NOB1: variants seen among roughly 807,000 people sequenced by gnomAD.
NOB1 encodes the protein RNA-binding protein NOB1.
A neutral mutation model predicts 44.8 loss-of-function variants in NOB1; 44 were observed. The ratio of observed to expected loss-of-function variants is 0.98; its 90% CI spans 0.77 to 1.26. NOB1 has a LOEUF of 1.26. NOB1 is among the 50% of genes most tolerant of loss of function. The probability of loss-of-function intolerance (pLI) is 0.00; values close to 1 mark genes in which losing one functional copy is unlikely to be tolerated. For missense variants in NOB1, 560 were observed against 544.8 expected, an observed-to-expected ratio of 1.03 and a Z score of -0.28; for synonymous variants, 238 against 218.7, an observed-to-expected ratio of 1.09 and a Z score of -0.78.
chr16:69,749,535 GGCC>G, intron 4 of NOB1, 21 bp downstream of exon 4: 1 of 1,600,648 alleles, frequency 6.2e-7, no homozygotes, highest in South Asian at 1.1e-5. Flanking sequence ...GAGCATGAAC[GGCC>G]TGGCTTGTCT....
chr16:69,752,963 G>A (rs1156604185), intron 2 of NOB1, among the ~76,000 whole-genome samples: 1 of 151,528 alleles, frequency 6.6e-6, no homozygotes, highest in African/African-American at 2.4e-5. Context: ...GGGGCGTGGT[G>A]GCTCACACCT....
chr16:69,754,548 G>A (rs2038508647), intron 2 of NOB1, 46 bp downstream of exon 2: 1 of 1,607,242 alleles, frequency 6.2e-7, no homozygotes, highest in Admixed American at 1.7e-5. Flanking sequence ...TGCCATCTGC[G>A]CCCTGGACCC....
In NOB1 at chr16:69,749,342, A is replaced by C; in HGVS notation, c.400-4T>G. On this transcript the variant is annotated splice_polypyrimidine_tract_variant and splice_region_variant and intron_variant, in intron 4 of 8. Transcript: ENST00000268802. ...CTGTTTCTTGTGGGGGTTTAGGCTG[A>C]AATTAAAAGAAACAATTTTAAAACC... 1 of 1,579,694 alleles carries C rather than the reference A, an allele frequency of 6.3e-7. No homozygotes were observed. Among genetic ancestry groups the C allele is most frequent in the South Asian group, 1.2e-5 (1 of 85,110 alleles).
In NOB1 at chr16:69,742,089, GTTCT is replaced by G. The variant is rs1039292548; in HGVS notation, c.*239_*242del. 2.7e-5 allele frequency: 13 copies of G among 476,596 alleles called. No homozygotes were observed. The highest frequency in any genetic ancestry group is 4.1e-5 in the Non-Finnish European group (11 of 267,954). 29.5% of individuals were successfully genotyped at this position (476,596 alleles called of 1,614,324 possible). On this transcript the variant is annotated 3_prime_UTR_variant, in exon 9 of 9. Coordinates refer to ENST00000268802, the MANE Select transcript of NOB1 (RefSeq NM_014062.3). ...TCTTGAAGATTGGCTCCAGGGCGTT[GTTCT>G]TTCTGTTTTTATGCAATTGCACTTC...
chr16:69,747,774 A>G (rs1033432481), intron 7 of NOB1, among the ~76,000 whole-genome samples: 20 of 152,176 alleles, frequency 1.3e-4, no homozygotes, highest in African/African-American at 4.3e-4. Flanking sequence ...CTCAGTGCCC[A>G]GGTGGAGACG....
Position 69,749,557 on chromosome 16 carries a change from A to G in NOB1, c.399+2T>C, listed in dbSNP as rs187654567. The G allele has an allele frequency of 9.9e-6, 16 of 1,612,838 alleles. No individual in the cohort carries two copies. In the Admixed American group the frequency reaches 1.3e-4, roughly 14 times the overall value. ...AACGGCCTGGCTTGTCTAAGAAATTACCTTGTAGGGCAGATGGAAACCAGA... is the reference window on the plus strand; with the variant it reads ...AACGGCCTGGCTTGTCTAAGAAATTGCCTTGTAGGGCAGATGGAAACCAGA... On this transcript the variant is annotated splice_donor_variant, in intron 4 of 8. Transcript: ENST00000268802. LOFTEE classifies it high-confidence loss of function.
chr16:69,750,798 A>G (rs2038476601), intron 3 of NOB1, among the ~76,000 whole-genome samples: 1 of 152,202 alleles, frequency 6.6e-6, no homozygotes, highest in African/African-American at 2.4e-5. Context: ...GGTAGTTTCA[A>G]CTAGTGCAAA....
chr16:69,742,261 C>G lies in NOB1; in HGVS notation c.*71G>C. The G allele has an allele frequency of 3.2e-6, 5 of 1,560,622 alleles. No individual in the cohort carries two copies. In the South Asian group the frequency reaches 6.1e-5, roughly 19 times the overall value. On this transcript the variant is annotated 3_prime_UTR_variant, in exon 9 of 9. Coordinates refer to ENST00000268802, the MANE Select transcript of NOB1 (RefSeq NM_014062.3). ...TCGGGTGGTCCTGGAGACGACACGG[C>G]TGGGGAAATGGGTCACCGGAACTCC...
intron 3 of NOB1, among the ~76,000 whole-genome samples, chr16:69,751,979 C>T (rs1015022081): frequency 2.6e-5 from 4 of 151,910 alleles, no homozygotes; most frequent in South Asian, 2.1e-4. Flanking sequence ...GCAAGAGAAT[C>T]GCTTGAACCC....
chr16:69,744,277 G>A lies in NOB1; in HGVS notation c.969+596C>T, dbSNP rs183747417. 1.9e-3 allele frequency among the ~76,000 whole-genome samples: 284 copies of A among 152,258 alleles called. 3 individuals are homozygous for A. The highest frequency in any genetic ancestry group is 6.4e-3 in the African/African-American group (264 of 41,562). ...TGGAGTTTCAGTGAGCCAAGATCAC[G>A]CCACTGCATTCCAGCCTGGGTGACA... On this transcript the variant is annotated intron_variant, in intron 8 of 8. Coordinates refer to ENST00000268802, the MANE Select transcript of NOB1 (RefSeq NM_014062.3).
chr16:69,745,041 T>C (rs748680649), intron 7 of NOB1, 24 bp from the exon 8 acceptor site: 3 of 1,613,398 alleles, frequency 1.9e-6, no homozygotes, highest in Middle Eastern at 1.6e-4. Context: ...AAGGAGATGA[T>C]CTGTACCAAA....
intron 8 of NOB1, 85 bp downstream of exon 8, chr16:69,744,788 G>C: frequency 6.8e-7 from 1 of 1,478,082 alleles, no homozygotes; most frequent in Non-Finnish European, 9.1e-7. Context: ...CCATCTTGCA[G>C]AAACGACTAG....
In NOB1 at chr16:69,749,038, A is replaced by C; in HGVS notation, c.606T>G (p.Asp202Glu). The change falls in exon 6 of 9, where the codon GAT becomes GAG. Residue 202 changes from aspartate to glutamate, a missense_variant. Asp to Glu is a conservative substitution (Grantham distance 45). Coordinates refer to ENST00000268802, the MANE Select transcript of NOB1 (RefSeq NM_014062.3). Reference protein sequence around the residue: ...NGFEDRKDDSDDDGGGWITPS... With the variant: ...NGFEDRKDDSEDDGGGWITPS... ...GGGTTATCCAGCCACCCCCGTCGTC[A>C]TCGCTGTCATCTTTTCTGTCTTCAA... 2 of 1,614,216 alleles carry C rather than the reference A, an allele frequency of 1.2e-6. No homozygotes were observed. Among genetic ancestry groups the C allele is most frequent in the Non-Finnish European group, 1.7e-6 (2 of 1,180,044 alleles).
intron 8 of NOB1, 92 bp from the exon 9 acceptor site, chr16:69,742,693 C>G: frequency 7.5e-7 from 1 of 1,330,434 alleles, no homozygotes. Flanking sequence ...CTTGCAGATC[C>G]TGGTGCAGGC....
chr16:69,748,845 G>T, intron 6 of NOB1, 73 bp downstream of exon 6: 1 of 1,322,432 alleles, frequency 7.6e-7, no homozygotes, highest in Non-Finnish European at 1.0e-6. Flanking sequence ...CCAGTTCCGT[G>T]TACATCTGTA....
In NOB1 at chr16:69,742,190, GC is replaced by G. The variant is rs1458805362; in HGVS notation, c.*141del. The G allele has an allele frequency of 1.9e-6, 2 of 1,064,670 alleles. No homozygotes were observed. The highest frequency in any genetic ancestry group is 2.7e-6 in the Non-Finnish European group (2 of 738,990). The allele number at this position is 1,064,670 out of a possible 1,614,324, so 66.0% of individuals were successfully genotyped here. A position where few individuals can be genotyped will look rare whatever the true frequency, so the allele number is the denominator to read the frequency against. Reference sequence around the variant, plus strand: ...TCCAGTTCCCTGCAGACCCAGCGGGGCATGGGCGGACAGAGCCGCACCGTGA... The same window carrying G: ...TCCAGTTCCCTGCAGACCCAGCGGGGATGGGCGGACAGAGCCGCACCGTGA... On this transcript the variant is annotated 3_prime_UTR_variant, in exon 9 of 9. Coordinates refer to ENST00000268802, the MANE Select transcript of NOB1 (RefSeq NM_014062.3).
intron 2 of NOB1, among the ~76,000 whole-genome samples, chr16:69,753,405 A>C (rs2038498658): frequency 1.3e-5 from 2 of 152,224 alleles, no homozygotes; most frequent in South Asian, 4.1e-4. Flanking sequence ...ATTAACAGAA[A>C]GATGTCTCCT....
At chr16:69,743,575 A>G (rs1019925802) in intron 8 of NOB1, among the ~76,000 whole-genome samples, 13 of 152,200 alleles carry the variant, frequency 8.5e-5, no homozygotes, top group South Asian at 4.1e-4. Context: ...GCATAGCCCC[A>G]ATCTAATCCA....
At chr16:69,746,844 T>C (rs913816828) in intron 7 of NOB1, among the ~76,000 whole-genome samples, 13 of 150,906 alleles carry the variant, frequency 8.6e-5, no homozygotes, top group East Asian at 1.9e-4. Flanking sequence ...GAGGCAGAGA[T>C]TGCAGTGAGC....
Sources: gnomAD v4.1 joint callset for allele counts (sites outside exome capture counted in the v4.1 genomes callset) on GRCh38, gnomAD v4.1.1 for gene constraint, MANE v1.5 for transcripts, NCBI Gene and HGNC (gene_info 2026-07-23, HGNC 2026-07-21) for gene names.